Variants in CACNA1E observed in about 807,000 individuals in gnomAD.
CACNA1E encodes the protein calcium voltage-gated channel subunit alpha1 E, also known as voltage-dependent R-type calcium channel subunit alpha-1E.
CACNA1E carries 40 observed loss-of-function variants against 259.2 expected under a neutral mutation model. The ratio of observed to expected loss-of-function variants is 0.15; its 90% CI spans 0.12 to 0.20. The LOEUF is 0.20. CACNA1E is among the 10% of genes least tolerant of loss of function. CACNA1E has a pLI of 1.00. For missense variants in CACNA1E, 1,874 were observed against 3,040.1 expected (o/e 0.62, Z 9.02); for synonymous variants, 1,104 against 1,138.5 (o/e 0.97, Z 0.61).
In CACNA1E at chr1:181,384,376, A is replaced by C. The variant is rs573572008; in HGVS notation, c.-14-28757A>C. On this transcript the variant is annotated intron_variant, in intron 1 of 11. Transcript: ENST00000524607. The stretch of plus-strand genomic sequence containing the variant: ...CCAATTATCCAGTGTCATTCTTAGA[A>C]GGAAAATCTACTCTTCTTTTGCCTC... Among the ~76,000 whole-genome samples, 39 of 152,326 alleles carry C rather than the reference A, an allele frequency of 2.6e-4. 1 individual carries two copies. The highest frequency in any genetic ancestry group is 9.4e-4 in the African/African-American group (39 of 41,582).
At chr1:181,718,469 A>G (rs1248294011) in intron 12 of CACNA1E, among the ~76,000 whole-genome samples, 1 of 152,110 alleles carries the variant, frequency 6.6e-6, no homozygotes, top group Non-Finnish European at 1.5e-5. Flanking sequence ...CAGAGTTTTG[A>G]ACCACTTATT....
intron 7 of CACNA1E, among the ~76,000 whole-genome samples, chr1:181,667,571 A>T (rs923649204): frequency 3.9e-5 from 6 of 152,194 alleles, no homozygotes; most frequent in Non-Finnish European, 7.4e-5. Flanking sequence ...AGAACACAAT[A>T]GAGAAAATGG....
chr1:181,514,993 C>A (rs1666461609), intron 3 of CACNA1E, among the ~76,000 whole-genome samples: 1 of 152,168 alleles, frequency 6.6e-6, no homozygotes, highest in South Asian at 2.1e-4. Flanking sequence ...TCAGAGAGGG[C>A]ACATGAATTG....
chr1:181,662,004 A>G (rs558405229), intron 7 of CACNA1E, among the ~76,000 whole-genome samples: 3 of 152,338 alleles, frequency 2.0e-5, no homozygotes, highest in Middle Eastern at 3.4e-3. Context: ...GCCATGGCAC[A>G]TGTAACTTCC....
At chr1:181,419,044 C>T (rs1658508246) in intron 2 of CACNA1E, among the ~76,000 whole-genome samples, 1 of 152,132 alleles carries the variant, frequency 6.6e-6, no homozygotes, top group Admixed American at 6.5e-5. Flanking sequence ...CCTGCCTCTG[C>T]CCCTCCCTGC....
chr1:181,483,494 CTTTTTTCTTTTTTTTTT>C (rs1379927640), upstream of CACNA1E: 1 of 237,942 alleles, frequency 4.2e-6, no homozygotes, highest in South Asian at 1.4e-4. Flanking sequence ...CTTTTTTTTT[CTTTTTTCTTTTTTTTTT>C]TTTTCCTTCT....
intron 2 of CACNA1E, among the ~76,000 whole-genome samples, chr1:181,437,042 C>A (rs896370341): frequency 6.6e-6 from 1 of 152,148 alleles, no homozygotes; most frequent in South Asian, 2.1e-4. Context: ...AGCATGTTAT[C>A]CATTAAAACA....
At chr1:181,780,692 C>T (rs138810349) in intron 38 of CACNA1E, among the ~76,000 whole-genome samples, 18 of 152,338 alleles carry the variant, frequency 1.2e-4, no homozygotes, top group Non-Finnish European at 2.5e-4. Context: ...AGATGCTCTT[C>T]CTCCTCCTGT....
rs141701381 is a variant in CACNA1E at position 181,421,937 on chromosome 1, T to C, written c.434+8357T>C. On this transcript the variant is annotated intron_variant, in intron 2 of 11. Coordinates refer to the CACNA1E transcript ENST00000524607. ...CTCTTTTTGCTGGCTCATAAAGCCCTATCCGACCTGAGCTTTGCTTAACTC... is the reference window on the plus strand; with the variant it reads ...CTCTTTTTGCTGGCTCATAAAGCCCCATCCGACCTGAGCTTTGCTTAACTC... Among the ~76,000 whole-genome samples the C allele has an allele frequency of 2.0e-5, 3 of 152,328 alleles. No individual in the cohort carries two copies. In the East Asian group the frequency reaches 5.8e-4, roughly 29 times the overall value.
chr1:181,714,377 C>T (rs775082711), intron 8 of CACNA1E, among the ~76,000 whole-genome samples: 13 of 152,138 alleles, frequency 8.5e-5, no homozygotes, highest in Non-Finnish European at 1.3e-4. Context: ...CTGGGAACAC[C>T]ACCCTCCCAG....
At chr1:181,426,421 C>A (rs1380242220) in intron 2 of CACNA1E, among the ~76,000 whole-genome samples, 1 of 151,362 alleles carries the variant, frequency 6.6e-6, no homozygotes, top group Non-Finnish European at 1.5e-5. Flanking sequence ...CACAACTCAA[C>A]CCCTTCACAA....
chr1:181,461,540 C>CAAA (rs10607931), intron 2 of CACNA1E, among the ~76,000 whole-genome samples: 9 of 81,990 alleles, frequency 1.1e-4, no homozygotes, highest in Non-Finnish European at 1.7e-4. Flanking sequence ...GACTCCATCT[C>CAAA]AAAAAAAAAA....
rs181344298 is a variant in CACNA1E, at chr1:181,758,203, A to G, written c.4494+92A>G. 1.0e-3 allele frequency: 1,154 copies of G among 1,124,620 alleles called. 1 individual carries two copies. The highest frequency in any genetic ancestry group is 1.3e-3 in the Non-Finnish European group (1,027 of 768,686). The allele number at this position is 1,124,620 out of a possible 1,614,324, so 69.7% of individuals were successfully genotyped here. A position where few individuals can be genotyped will look rare whatever the true frequency, so the allele number is the denominator to read the frequency against. On this transcript the variant is annotated intron_variant, in intron 31 of 47. Coordinates refer to ENST00000367573, the MANE Select transcript of CACNA1E (RefSeq NM_001205293.3). The surrounding 1 kb of genome is among the most constrained non-coding windows in gnomAD (Gnocchi z 4.2). ...AGACACCCCAACATCCCAGCCCATC[A>G]CTGCTTTACCTACTTTTCCATCATT...
chr1:181,562,620 C>T (rs1165031870), intron 3 of CACNA1E, among the ~76,000 whole-genome samples: 2 of 152,116 alleles, frequency 1.3e-5, no homozygotes, highest in East Asian at 1.9e-4. Flanking sequence ...AGTTAATTTG[C>T]GTAGCTGGCA....
At chr1:181,571,722 C>T (rs1007456860) in intron 3 of CACNA1E, among the ~76,000 whole-genome samples, 2 of 152,124 alleles carry the variant, frequency 1.3e-5, no homozygotes, top group Non-Finnish European at 2.9e-5. Context: ...TGATGAACAG[C>T]CTGTCTTTCA....
intron 1 of CACNA1E, among the ~76,000 whole-genome samples, chr1:181,496,217 A>G (rs771657266): frequency 2.0e-5 from 3 of 152,220 alleles, no homozygotes; most frequent in Non-Finnish European, 4.4e-5. Flanking sequence ...ACCTAAGGAC[A>G]TATTTGGATT....
chr1:181,605,405 C>G (rs1349408578), intron 6 of CACNA1E, among the ~76,000 whole-genome samples: 1 of 152,028 alleles, frequency 6.6e-6, no homozygotes, highest in Non-Finnish European at 1.5e-5. Context: ...TGAGCCATGC[C>G]CAAGGCAGCA....
intron 1 of CACNA1E, among the ~76,000 whole-genome samples, chr1:181,489,571 C>T (rs1024874645): frequency 6.6e-6 from 1 of 152,166 alleles, no homozygotes. Context: ...CCTACCCAGC[C>T]CTGTTACATT....
At chr1:181,368,766 G>C (rs933263229) in intron 1 of CACNA1E, among the ~76,000 whole-genome samples, 6 of 152,196 alleles carry the variant, frequency 3.9e-5, no homozygotes, top group African/African-American at 1.4e-4. Context: ...ATTTTGTTTG[G>C]TGTTTATTTA....
Sources: allele counts gnomAD v4.1 joint callset (sites outside exome capture counted in the v4.1 genomes callset), GRCh38; gene constraint gnomAD v4.1.1; non-coding constraint Gnocchi (gnomAD v3.1); transcripts MANE v1.5; gene names NCBI Gene and HGNC (gene_info 2026-07-23, HGNC 2026-07-21).